The following SLC17A1 variants were observed in gnomAD, a reference collection of about 807,000 sequenced individuals.
SLC17A1 encodes the protein solute carrier family 17 member 1.
Under a neutral mutation model 53.5 loss-of-function variants are expected in SLC17A1, and 51 were observed. That is an observed-to-expected ratio of 0.95 (90% confidence interval 0.76 to 1.20). The LOEUF is 1.20. SLC17A1 is among the 50% of genes most tolerant of loss of function. SLC17A1 has a pLI of 0.00. For missense variants in SLC17A1, 538 were observed against 568.2 expected, an observed-to-expected ratio of 0.95 and a Z score of 0.54; for synonymous variants, 179 against 198.8, an observed-to-expected ratio of 0.90 and a Z score of 0.84.
At chr6:25,723,801 G>A in the SLC17A1 span, among the ~76,000 whole-genome samples, 1 of 152,120 alleles carries the variant, frequency 6.6e-6, no homozygotes, top group South Asian at 2.1e-4. Flanking sequence ...AGGCTGTTGG[G>A]GGGGAAAATA....
At chr6:25,819,969 T>G (rs1249430463) in intron 3 of SLC17A1, 54 bp from the exon 4 acceptor site, 1 of 1,243,198 alleles carries the variant, frequency 8.0e-7, no homozygotes, top group Non-Finnish European at 1.1e-6. Context: ...AAATTTACTG[T>G]GACATTTAGG....
Position 25,800,890 on chromosome 6 carries a change from C to T in SLC17A1, c.1269G>A (p.Gln423=). The T allele has an allele frequency of 1.3e-6, 2 of 1,572,428 alleles. No homozygotes were observed. The highest frequency in any genetic ancestry group is 1.8e-6 in the Non-Finnish European group (2 of 1,142,848). ...ASTLTGLILK[Q]DPESAWFKTF... ...AACTACACATCTGTATGTTTCTTACCTGCTTAAGGATCAATCCAGTCAAAG... is the reference window on the plus strand; with the variant it reads ...AACTACACATCTGTATGTTTCTTACTTGCTTAAGGATCAATCCAGTCAAAG... Residue 423 remains glutamine, a splice_region_variant and synonymous_variant, in exon 11 of 13, where the codon CAG becomes CAA. Transcript: ENST00000244527.
the SLC17A1 span, among the ~76,000 whole-genome samples, chr6:25,762,249 T>C: frequency 1.3e-5 from 2 of 152,180 alleles, no homozygotes; most frequent in African/African-American, 4.8e-5. Flanking sequence ...TAAGAAACTT[T>C]GAAGGTATAT....
chr6:25,746,573 T>C, the SLC17A1 span, among the ~76,000 whole-genome samples: 3 of 152,116 alleles, frequency 2.0e-5, no homozygotes, highest in Non-Finnish European at 4.4e-5. Context: ...TTTATTGCCA[T>C]TAGAATCAGA....
chr6:25,777,930 A>T (rs757445429), downstream of SLC17A1: 12 of 1,612,512 alleles, frequency 7.4e-6, no homozygotes, highest in East Asian at 2.5e-4. Context: ...TCTCAGGTAC[A>T]CTGGCTTTCT....
chr6:25,748,830 C>T, the SLC17A1 span, among the ~76,000 whole-genome samples: 1 of 152,256 alleles, frequency 6.6e-6, no homozygotes, highest in African/African-American at 2.4e-5. Context: ...TTATGCTTCT[C>T]TCCACCCAAA....
At chr6:25,747,554 A>C in the SLC17A1 span, among the ~76,000 whole-genome samples, 1 of 152,234 alleles carries the variant, frequency 6.6e-6, no homozygotes, top group Non-Finnish European at 1.5e-5. Context: ...ACCTACCGTT[A>C]TGGACTGAAT....
chr6:25,752,642 T>C, the SLC17A1 span, among the ~76,000 whole-genome samples: 38 of 152,240 alleles, frequency 2.5e-4, no homozygotes, highest in Admixed American at 5.2e-4. Context: ...ACAAACATAT[T>C]GTACTGCTGT....
At chr6:25,748,656 G>GT in the SLC17A1 span, among the ~76,000 whole-genome samples, 1 of 152,204 alleles carries the variant, frequency 6.6e-6, no homozygotes, top group South Asian at 2.1e-4. Context: ...AGTTTCCTCA[G>GT]TATTTATTGA....
the SLC17A1 span, among the ~76,000 whole-genome samples, chr6:25,734,806 A>C: frequency 6.6e-6 from 1 of 152,254 alleles, no homozygotes; most frequent in African/African-American, 2.4e-5. Flanking sequence ...AGTTGTTGTT[A>C]GAGGACTTTT....
At chr6:25,727,149 C>T in the SLC17A1 span, 2 of 1,614,196 alleles carry the variant, frequency 1.2e-6, no homozygotes, top group South Asian at 1.1e-5. Flanking sequence ...CGAGGCATCA[C>T]GTTTGGCTCA....
chr6:25,818,087 G>A lies in SLC17A1; in HGVS notation c.616+981C>T, dbSNP rs142540735. ...CACCTTACTTTGGCTACAGATGGCT[G>A]ATGTGAATGAACATCAGTAGGCCCC... On this transcript the variant is annotated intron_variant, in intron 6 of 12. Transcript: ENST00000244527. 6.6e-5 allele frequency among the ~76,000 whole-genome samples: 10 copies of A among 152,324 alleles called. No individual in the cohort carries two copies. In the East Asian group the frequency reaches 1.9e-3, roughly 29 times the overall value.
chr6:25,772,283 A>T, the SLC17A1 span, among the ~76,000 whole-genome samples: 1 of 152,220 alleles, frequency 6.6e-6, no homozygotes, highest in South Asian at 2.1e-4. Context: ...TTGAATAAAT[A>T]TTAACATCCT....
the SLC17A1 span, among the ~76,000 whole-genome samples, chr6:25,756,889 C>T: frequency 6.6e-6 from 1 of 152,128 alleles, no homozygotes; most frequent in Non-Finnish European, 1.5e-5. Context: ...AAATGTTGCC[C>T]TGAAAGCTAT....
chr6:25,786,358 T>A (rs1447584932), intron 12 of SLC17A1, among the ~76,000 whole-genome samples: 2 of 152,206 alleles, frequency 1.3e-5, no homozygotes, highest in African/African-American at 2.4e-5. Flanking sequence ...TCCTGAGGAA[T>A]CTGGGAGTGA....
At chr6:25,797,007 C>T (rs910551942) in intron 12 of SLC17A1, among the ~76,000 whole-genome samples, 12 of 152,208 alleles carry the variant, frequency 7.9e-5, no homozygotes, top group Non-Finnish European at 1.6e-4. Flanking sequence ...GGCTGTGGTG[C>T]TTGAATTTCA....
At chr6:25,726,790 G>A in the SLC17A1 span, 16 of 1,301,982 alleles carry the variant, frequency 1.2e-5, no homozygotes, top group Non-Finnish European at 1.7e-5. Flanking sequence ...TGTTTACTTG[G>A]CGAGACTTGG....
chr6:25,768,481 G>T, the SLC17A1 span: 9 of 664,182 alleles, frequency 1.4e-5, no homozygotes, highest in Non-Finnish European at 1.7e-5. Flanking sequence ...ATACTTCTAT[G>T]ATCTAACCAT....
the SLC17A1 span, among the ~76,000 whole-genome samples, chr6:25,731,209 G>C: frequency 1.3e-5 from 2 of 152,194 alleles, no homozygotes; most frequent in African/African-American, 2.4e-5. Context: ...TTCAAGGGGA[G>C]TTAGCCTGAT....
Sources: allele counts gnomAD v4.1 joint callset (sites outside exome capture counted in the v4.1 genomes callset), GRCh38; gene constraint gnomAD v4.1.1; transcripts MANE v1.5; gene names NCBI Gene and HGNC (gene_info 2026-07-23, HGNC 2026-07-21).